The following TTC34 variants were observed in gnomAD, a reference collection of about 807,000 sequenced individuals.
The protein encoded by TTC34 is tetratricopeptide repeat protein 34.
A neutral mutation model predicts 40.7 loss-of-function variants in TTC34; 44 were observed. That is an observed-to-expected ratio of 1.08 (90% CI 0.85 to 1.39). TTC34 has a LOEUF of 1.39. Ranked by LOEUF, TTC34 falls within the 40% of genes most tolerant of loss-of-function variation. The pLI, the probability that TTC34 is intolerant of heterozygous loss-of-function variation, is 0.00. For missense variants in TTC34, 884 were observed against 838.0 expected (o/e 1.05, Z -0.68); for synonymous variants, 422 against 398.6 (o/e 1.06, Z -0.70).
chr1:2,690,436 G>GTCAGCCTGGAACAGCACCCACAACCCC (rs1640565359), intron 6 of TTC34, among the ~76,000 whole-genome samples: 1 of 148,344 alleles, frequency 6.7e-6, no homozygotes, highest in African/African-American at 2.4e-5. Context: ...GCGAGCATCT[G>GTCAGCCTGGAACAGCACCCACAACCCC]ACAGCCTGGA....
rs1321987609 is a variant in TTC34, at chr1:2,645,531, C to T, written c.2259G>A (p.Lys753=). 7 of 1,202,986 alleles carry T rather than the reference C, an allele frequency of 5.8e-6. No homozygotes were observed. The highest frequency in any genetic ancestry group is 7.4e-6 in the Non-Finnish European group (7 of 947,092). The allele number at this position is 1,202,986 out of a possible 1,614,324, so 74.5% of individuals were successfully genotyped here. Reference sequence around the variant, plus strand: ...CAGGGACCACAGTCCCGGGGCCGAGCTTCAGAGCAGAGACGATGTCGTCCA... The same window carrying T: ...CAGGGACCACAGTCCCGGGGCCGAGTTTCAGAGCAGAGACGATGTCGTCCA... The change falls in exon 7 of 9, where the codon AAG becomes AAA. Residue 753 remains lysine (K), a synonymous_variant. Coordinates refer to ENST00000401095, the Ensembl canonical transcript of TTC34. This position sits in a 1 kb window ranked among gnomAD's most constrained non-coding sequence, Gnocchi z 4.7.
rs535635008 is a variant in TTC34 at position 2,648,370 on chromosome 1, C to T, written c.2227-2807G>A. On this transcript the variant is annotated intron_variant, in intron 6 of 8. Transcript: ENST00000401095. The stretch of plus-strand genomic sequence containing the variant: ...TCTTGTACTTTGCTAGGGGAGGATT[C>T]GTTTTTGAACTTAGTCCTAAAGTAC... 2.2e-4 allele frequency among the ~76,000 whole-genome samples: 33 copies of T among 152,274 alleles called. No homozygotes were observed. The South Asian group carries it at 6.6e-3, about 31-fold the overall frequency.
At chr1:2,792,210 G>C (rs1157617684) in intron 2 of TTC34, among the ~76,000 whole-genome samples, 1 of 150,962 alleles carries the variant, frequency 6.6e-6, no homozygotes, top group Non-Finnish European at 1.5e-5. Flanking sequence ...TGTCACCCAG[G>C]GTGGTCTTGA....
At chr1:2,684,771 C>T (rs1640246352) in intron 6 of TTC34, among the ~76,000 whole-genome samples, 1 of 107,070 alleles carries the variant, frequency 9.3e-6, no homozygotes, top group East Asian at 3.0e-4. Flanking sequence ...AGGTGAGCAT[C>T]TGACGGCCTG....
At chr1:2,765,742 A>G (rs1641769524) in intron 6 of TTC34, among the ~76,000 whole-genome samples, 7 of 47,432 alleles carry the variant, frequency 1.5e-4, no homozygotes, top group Admixed American at 4.6e-4. Flanking sequence ...GACAGCCTGG[A>G]GCAGCGCCCA....
intron 6 of TTC34, among the ~76,000 whole-genome samples, chr1:2,686,781 CAGCCTGG>C: frequency 9.5e-6 from 1 of 105,700 alleles, no homozygotes; most frequent in Middle Eastern, 6.5e-3. Context: ...GAGCATGTGA[CAGCCTGG>C]ATCAGCACCC....
intron 6 of TTC34, among the ~76,000 whole-genome samples, chr1:2,687,423 A>ACATCC (rs1640414466): frequency 6.8e-6 from 1 of 147,580 alleles, no homozygotes; most frequent in African/African-American, 2.6e-5. Flanking sequence ...TGAGCATCTG[A>ACATCC]TGGTCTGGAG....
chr1:2,795,435 G>A (rs995550308), intron 2 of TTC34, among the ~76,000 whole-genome samples: 1 of 152,186 alleles, frequency 6.6e-6, no homozygotes, highest in Admixed American at 6.5e-5. Context: ...GGTGATGGCT[G>A]TCAGCTGAGC....
intron 6 of TTC34, among the ~76,000 whole-genome samples, chr1:2,698,992 C>A (rs560440561): frequency 4.9e-5 from 6 of 121,680 alleles, no homozygotes; most frequent in Non-Finnish European, 1.1e-4. Flanking sequence ...CATCTGACAG[C>A]CTGGAAAGGC....
exon 3 of TTC34, chr1:2,789,650 T>C (rs1014038579): frequency 2.2e-6 from 3 of 1,339,644 alleles, no homozygotes; most frequent in Non-Finnish European, 2.9e-6. Context: ...CCAGGGCACG[T>C]AGGCCTTGGC....
At chr1:2,790,751 C>T (rs1643654027) in intron 2 of TTC34, among the ~76,000 whole-genome samples, 1 of 152,236 alleles carries the variant, frequency 6.6e-6, no homozygotes, top group Non-Finnish European at 1.5e-5. Context: ...ATCAGTGCCC[C>T]TCCACTCCCA....
At chr1:2,640,248 T>G (rs1422181130) in exon 9 of TTC34, 3 of 152,218 alleles carry the variant, frequency 2.0e-5, no homozygotes, top group African/African-American at 7.2e-5. Flanking sequence ...CCCATGGCCA[T>G]GAGAGAAAGC....
chr1:2,685,226 G>T (rs796523554), intron 6 of TTC34, among the ~76,000 whole-genome samples: 1 of 59,162 alleles, frequency 1.7e-5, no homozygotes, highest in Non-Finnish European at 3.7e-5. Context: ...ACATCGTGGA[G>T]CAGCACCCAC....
exon 5 of TTC34, chr1:2,785,997 A>C (rs1643583017): frequency 6.8e-7 from 1 of 1,481,280 alleles, no homozygotes; most frequent in Non-Finnish European, 9.0e-7. Context: ...AGGCGGTGTC[A>C]CCAGACTGGA....
chr1:2,764,223 C>A (rs1230493881), intron 6 of TTC34, among the ~76,000 whole-genome samples: 116 of 149,402 alleles, frequency 7.8e-4, no homozygotes, highest in African/African-American at 2.8e-3. Context: ...CATCCACACA[C>A]CCAGGCGAGC....
At chr1:2,644,972 G>A (rs762217118) in intron 7 of TTC34, among the ~76,000 whole-genome samples, 3 of 152,218 alleles carry the variant, frequency 2.0e-5, no homozygotes, top group Non-Finnish European at 4.4e-5. Flanking sequence ...TCCCGTGGGT[G>A]CCCGAGAAAC....
chr1:2,653,332 A>T (rs796368189), intron 6 of TTC34, among the ~76,000 whole-genome samples: 5 of 144,950 alleles, frequency 3.4e-5, no homozygotes, highest in East Asian at 4.0e-4. Flanking sequence ...ACACACCCCC[A>T]GGTGAGCATC....
intron 6 of TTC34, among the ~76,000 whole-genome samples, chr1:2,750,676 G>C (rs1641288251): frequency 9.6e-4 from 115 of 119,644 alleles, no homozygotes; most frequent in African/African-American, 3.1e-3. Context: ...GCCTGGAACA[G>C]CACCCTGCAC....
At chr1:2,641,144 G>C (rs1455434209) in exon 9 of TTC34, 6 of 351,038 alleles carry the variant, frequency 1.7e-5, no homozygotes, top group East Asian at 9.3e-5. Flanking sequence ...GGGCTGGGAA[G>C]GGGTGTGTGG....
Sources: allele counts gnomAD v4.1 joint callset (sites outside exome capture counted in the v4.1 genomes callset), GRCh38; gene constraint gnomAD v4.1.1; non-coding constraint Gnocchi (gnomAD v3.1); transcripts MANE v1.5; gene names NCBI Gene and HGNC (gene_info 2026-07-23, HGNC 2026-07-21).